KCNT2: variants seen among roughly 807,000 people sequenced by gnomAD.
KCNT2 encodes the protein potassium channel subfamily T member 2.
KCNT2 carries 67 observed loss-of-function variants against 153.8 expected under a neutral mutation model. That is an observed-to-expected ratio of 0.44 (90% confidence interval 0.36 to 0.53). KCNT2 has a LOEUF of 0.53. KCNT2 is among the 20% of genes least tolerant of loss of function. The pLI is 0.00. For synonymous variants in KCNT2, 500 were observed against 458.8 expected (o/e 1.09, Z -1.15); for missense variants, 975 against 1,354.8 (o/e 0.72, Z 4.40).
At chr1:196,361,424 G>A (rs1314408570) in intron 14 of KCNT2, among the ~76,000 whole-genome samples, 1 of 152,050 alleles carries the variant, frequency 6.6e-6, no homozygotes, top group Non-Finnish European at 1.5e-5. Context: ...GATCCCAGGA[G>A]CCCATTCATA....
Position 196,305,356 on chromosome 1 carries a change from A to G in KCNT2, c.2484-11T>C, listed in dbSNP as rs754740916. 9.8e-6 allele frequency: 14 copies of G among 1,431,308 alleles called. No homozygotes were observed. The highest frequency in any genetic ancestry group is 1.4e-5 in the Non-Finnish European group (14 of 1,015,146). The allele number at this position is 1,431,308 out of a possible 1,614,324, so 88.7% of individuals were successfully genotyped here. A position where few individuals can be genotyped will look rare whatever the true frequency, so the allele number is the denominator to read the frequency against. ...AGACTGGAAAACAACCTACATTTCAAAAGAACATTTGCATTACACTAACAA... is the reference window on the plus strand; with the variant it reads ...AGACTGGAAAACAACCTACATTTCAGAAGAACATTTGCATTACACTAACAA... On this transcript the variant is annotated splice_polypyrimidine_tract_variant and intron_variant, in intron 21 of 27. Coordinates refer to ENST00000294725, the MANE Select transcript of KCNT2 (RefSeq NM_198503.5).
rs541408010 is a variant in KCNT2 at position 196,321,752 on chromosome 1, A to G, written c.2277-2197T>C. On this transcript the variant is annotated intron_variant, in intron 19 of 27. Coordinates refer to ENST00000294725, the MANE Select transcript of KCNT2 (RefSeq NM_198503.5). ...TATTCTTTGCAAAATTTAATTTAGC[A>G]TAATAGATAGATTCATCTACTACAG... Among the ~76,000 whole-genome samples the G allele has an allele frequency of 4.6e-5, 7 of 152,086 alleles. No individual in the cohort carries two copies. In the South Asian group the frequency reaches 1.5e-3, roughly 32 times the overall value.
intron 21 of KCNT2, among the ~76,000 whole-genome samples, chr1:196,306,717 G>T (rs941250446): frequency 2.1e-4 from 31 of 149,214 alleles, no homozygotes; most frequent in Non-Finnish European, 3.7e-4. Flanking sequence ...AAGAGTTTTG[G>T]TTTTTTTTTG....
At chr1:196,544,436 G>A (rs1453805238) in intron 1 of KCNT2, among the ~76,000 whole-genome samples, 5 of 151,956 alleles carry the variant, frequency 3.3e-5, no homozygotes, top group African/African-American at 1.2e-4. Context: ...CTCTATTCTT[G>A]TTTACACTAG....
At chr1:196,323,680 C>T (rs1171047299) in intron 19 of KCNT2, among the ~76,000 whole-genome samples, 1 of 151,792 alleles carries the variant, frequency 6.6e-6, no homozygotes, top group East Asian at 1.9e-4. Context: ...AAATCCCATG[C>T]TTATTACATC....
At chr1:196,380,022 C>T (rs6428337) in intron 13 of KCNT2, among the ~76,000 whole-genome samples, 78,707 of 152,066 alleles carry the variant, frequency 0.52, 22,078 homozygotes, top group African/African-American at 0.75. Flanking sequence ...ACTTTTAAAA[C>T]GTAAGTGGCA....
intron 13 of KCNT2, among the ~76,000 whole-genome samples, chr1:196,394,798 T>G (rs1308922138): frequency 6.6e-6 from 1 of 151,606 alleles, no homozygotes; most frequent in Non-Finnish European, 1.5e-5. Flanking sequence ...TTTTACTTTT[T>G]TCCAGCTTCA....
intron 12 of KCNT2, among the ~76,000 whole-genome samples, chr1:196,414,983 A>G (rs1001554265): frequency 2.6e-5 from 4 of 151,914 alleles, no homozygotes; most frequent in African/African-American, 4.8e-5. Context: ...TTTTCTTCCA[A>G]ATTAATATCC....
chr1:196,395,428 A>C (rs1462195910), intron 13 of KCNT2, among the ~76,000 whole-genome samples: 1 of 151,684 alleles, frequency 6.6e-6, no homozygotes, highest in Non-Finnish European at 1.5e-5. Flanking sequence ...CAAATTTGTT[A>C]TGAAGATGAC....
chr1:196,391,141 A>G (rs1442404551), intron 13 of KCNT2, among the ~76,000 whole-genome samples: 1 of 151,290 alleles, frequency 6.6e-6, no homozygotes, highest in East Asian at 1.9e-4. Context: ...AGCTCTATGT[A>G]GTAAGGATAA....
intron 1 of KCNT2, among the ~76,000 whole-genome samples, chr1:196,581,808 T>C (rs566842000): frequency 6.6e-6 from 1 of 152,296 alleles, no homozygotes; most frequent in East Asian, 1.9e-4. Context: ...CCATTACTTA[T>C]GTTTTGAAAA....
At chr1:196,399,447 T>C (rs2148443195) in intron 12 of KCNT2, among the ~76,000 whole-genome samples, 1 of 151,942 alleles carries the variant, frequency 6.6e-6, no homozygotes, top group South Asian at 2.1e-4. Context: ...AAGTTAAGAA[T>C]GTAATTACTC....
At chr1:196,381,111 T>C (rs1669447258) in intron 13 of KCNT2, among the ~76,000 whole-genome samples, 1 of 152,166 alleles carries the variant, frequency 6.6e-6, no homozygotes, top group Non-Finnish European at 1.5e-5. Context: ...TTCATTTCAA[T>C]AACACAAGTA....
rs1233699479 is a variant in KCNT2 at position 196,480,788 on chromosome 1, G to A, written c.324+1543C>T. ...GGAGAATGGCGTGAACCCAGGAGGC[G>A]GAGCTTGCAGTGAGCCGAGATCGCA... On this transcript the variant is annotated intron_variant, in intron 4 of 27. Coordinates refer to ENST00000294725, the MANE Select transcript of KCNT2 (RefSeq NM_198503.5). 5.5e-5 allele frequency among the ~76,000 whole-genome samples: 8 copies of A among 146,124 alleles called. No homozygotes were observed. The Admixed American group carries it at 5.6e-4, about 10-fold the overall frequency.
intron 13 of KCNT2, among the ~76,000 whole-genome samples, chr1:196,396,833 G>C (rs186128433): frequency 6.6e-6 from 1 of 150,980 alleles, no homozygotes; most frequent in Admixed American, 6.6e-5. Context: ...CAAATAGTCC[G>C]TATTTTTTTT....
intron 22 of KCNT2, among the ~76,000 whole-genome samples, chr1:196,301,674 A>G (rs1661195485): frequency 6.6e-6 from 1 of 152,332 alleles, no homozygotes; most frequent in East Asian, 1.9e-4. Context: ...ATGAATGAAG[A>G]CCACTTAGTA....
chr1:196,293,907 G>C (rs954232008), intron 22 of KCNT2, among the ~76,000 whole-genome samples: 1 of 149,696 alleles, frequency 6.7e-6, no homozygotes, highest in African/African-American at 2.4e-5. Context: ...TTAATGGAAC[G>C]AACAGACATC....
At chr1:196,432,886 T>G (rs1033919190) in intron 8 of KCNT2, among the ~76,000 whole-genome samples, 1 of 152,130 alleles carries the variant, frequency 6.6e-6, no homozygotes, top group Non-Finnish European at 1.5e-5. Context: ...GAGCAGGACA[T>G]GCATTTTGAT....
intron 26 of KCNT2, among the ~76,000 whole-genome samples, chr1:196,255,079 G>T (rs766868250): frequency 2.8e-4 from 42 of 151,422 alleles, no homozygotes; most frequent in African/African-American, 8.7e-4. Context: ...CCATTTTATG[G>T]GCTAATCATA....
Sources: gnomAD v4.1 joint callset for allele counts (sites outside exome capture counted in the v4.1 genomes callset) on GRCh38, gnomAD v4.1.1 for gene constraint, MANE v1.5 for transcripts, NCBI Gene and HGNC (gene_info 2026-07-23, HGNC 2026-07-21) for gene names.